The following SPRED1 variants were observed in gnomAD, a reference collection of about 807,000 sequenced individuals.
The protein encoded by SPRED1 is sprouty-related, EVH1 domain-containing protein 1.
In SPRED1, 18 loss-of-function variants were observed where a neutral mutation model predicts 52.3. That is an observed-to-expected ratio of 0.34 (90% CI 0.24 to 0.51). The LOEUF is 0.51. Ranked by LOEUF, SPRED1 falls within the 20% of genes least tolerant of loss-of-function variation. The probability of loss-of-function intolerance (pLI) is 0.97; values close to 1 mark genes in which losing one functional copy is unlikely to be tolerated. For synonymous variants in SPRED1, 155 were observed against 179.7 expected (o/e 0.86, Z 1.10); for missense variants, 485 against 551.0 (o/e 0.88, Z 1.20).
intron 2 of SPRED1, among the ~76,000 whole-genome samples, chr15:38,304,996 A>G (rs1196553730): frequency 6.6e-6 from 1 of 152,148 alleles, no homozygotes; most frequent in African/African-American, 2.4e-5. Flanking sequence ...AGTTGACAAT[A>G]AAGGAACTTC....
chr15:38,329,951 C>T (rs1371479806), intron 4 of SPRED1, among the ~76,000 whole-genome samples: 3 of 152,082 alleles, frequency 2.0e-5, no homozygotes, highest in Non-Finnish European at 2.9e-5. Flanking sequence ...TAATCATTCA[C>T]GTCATTGAAT....
intron 2 of SPRED1, among the ~76,000 whole-genome samples, chr15:38,312,929 A>G (rs889103640): frequency 6.6e-6 from 1 of 151,668 alleles, no homozygotes; most frequent in Admixed American, 6.6e-5. Context: ...TGGCAAGGAT[A>G]CTCTCAAGCC....
At chr15:38,265,048 TG>T (rs1464745207) in intron 1 of SPRED1, among the ~76,000 whole-genome samples, 1 of 152,254 alleles carries the variant, frequency 6.6e-6, no homozygotes, top group African/African-American at 2.4e-5. Context: ...TTGTAGCCTT[TG>T]GGTTCTCCAT....
intron 2 of SPRED1, among the ~76,000 whole-genome samples, chr15:38,304,900 A>G (rs1343117100): frequency 2.6e-5 from 4 of 151,758 alleles, no homozygotes; most frequent in Admixed American, 1.3e-4. Flanking sequence ...TTTTTAATTT[A>G]ATCTAAATCT....
rs571241902 is a variant in SPRED1, at chr15:38,339,304, T to C, written c.424-433T>C. 4.1e-4 allele frequency among the ~76,000 whole-genome samples: 63 copies of C among 152,306 alleles called. 1 individual carries two copies. The South Asian group carries it at 0.012, about 30-fold the overall frequency. On this transcript the variant is annotated intron_variant, in intron 4 of 6. Transcript: ENST00000299084. ...ACAATAGTAGACTAATGTTGTCTTC[T>C]GTCTTTTGACTCACTGTATCAACAG...
At chr15:38,342,807 A>T (rs945031987) in intron 5 of SPRED1, among the ~76,000 whole-genome samples, 9 of 152,112 alleles carry the variant, frequency 5.9e-5, no homozygotes, top group African/African-American at 2.2e-4. Flanking sequence ...CTGTGACTTG[A>T]TGTCTTTGAA....
At chr15:38,334,848 C>T (rs1895877821) in intron 4 of SPRED1, among the ~76,000 whole-genome samples, 1 of 150,670 alleles carries the variant, frequency 6.6e-6, no homozygotes, top group Non-Finnish European at 1.5e-5. Context: ...TCTGTATATA[C>T]AGTCAATCTC....
chr15:38,328,743 A>AG lies in SPRED1; in HGVS notation c.423+3937dup, dbSNP rs571985969. Reference sequence around the variant, plus strand: ...TGGTTTTTTTGTTTGTTTTTGAGACAGGGTCTTACTCTGTTGCCCAGGCTG... The same window carrying AG: ...TGGTTTTTTTGTTTGTTTTTGAGACAGGGGTCTTACTCTGTTGCCCAGGCTG... On this transcript the variant is annotated intron_variant, in intron 4 of 6. Coordinates refer to ENST00000299084, the MANE Select transcript of SPRED1 (RefSeq NM_152594.3). Among the ~76,000 whole-genome samples the AG allele has an allele frequency of 3.1e-3, 475 of 152,262 alleles. 2 individuals carry two copies. Among genetic ancestry groups the AG allele is most frequent in the Non-Finnish European group, 4.9e-3 (333 of 68,010 alleles).
chr15:38,264,537 T>C (rs1894265859), intron 1 of SPRED1, among the ~76,000 whole-genome samples: 1 of 149,628 alleles, frequency 6.7e-6, no homozygotes, highest in Non-Finnish European at 1.5e-5. Flanking sequence ...ATGAAGGTTA[T>C]TGGAGAAGCC....
At chr15:38,256,811 A>C (rs548708514) in intron 1 of SPRED1, among the ~76,000 whole-genome samples, 3 of 140,406 alleles carry the variant, frequency 2.1e-5, no homozygotes, top group Middle Eastern at 7.8e-3. Context: ...ATATGTATGT[A>C]CACACACACA....
At chr15:38,324,029 C>T (rs930118850) in intron 3 of SPRED1, among the ~76,000 whole-genome samples, 13 of 152,122 alleles carry the variant, frequency 8.5e-5, no homozygotes, top group Non-Finnish European at 1.5e-4. Context: ...TTATCAGCTG[C>T]TATATAGACT....
intron 1 of SPRED1, among the ~76,000 whole-genome samples, chr15:38,287,324 A>G (rs1379515563): frequency 6.6e-6 from 1 of 152,136 alleles, no homozygotes; most frequent in Non-Finnish European, 1.5e-5. Context: ...TGCCACCTTC[A>G]TCTATTGCTG....
intron 1 of SPRED1, among the ~76,000 whole-genome samples, chr15:38,267,057 A>G (rs1196631612): frequency 1.3e-5 from 2 of 152,206 alleles, no homozygotes; most frequent in East Asian, 3.8e-4. Flanking sequence ...CCTTTAGGAA[A>G]ACAATGAGCA....
chr15:38,295,387 T>A (rs1895014207), intron 1 of SPRED1, among the ~76,000 whole-genome samples: 1 of 152,202 alleles, frequency 6.6e-6, no homozygotes, highest in Admixed American at 6.5e-5. Flanking sequence ...GTACAGCATG[T>A]TGTTGTACTG....
At chr15:38,299,671 T>C (rs1306534212) in intron 2 of SPRED1, 124 bp downstream of exon 2, 8 of 1,044,654 alleles carry the variant, frequency 7.7e-6, no homozygotes, top group Non-Finnish European at 1.1e-5. Flanking sequence ...TGGAGCTGTT[T>C]CTGTGTTAAA....
At position 38,343,659 on chromosome 15, in the gene SPRED1, G is replaced by A. The variant is rs151005233; in HGVS notation, c.582+3764G>A. Reference sequence around the variant, plus strand: ...TTCTTCCAGCAACTCTCATACCATAGCAAATACAGTTTGAATTACTCAAGG... The same window carrying A: ...TTCTTCCAGCAACTCTCATACCATAACAAATACAGTTTGAATTACTCAAGG... On this transcript the variant is annotated intron_variant, in intron 5 of 6. Transcript: ENST00000299084. 2.4e-3 allele frequency among the ~76,000 whole-genome samples: 358 copies of A among 152,172 alleles called. 1 individual carries two copies. The highest frequency in any genetic ancestry group is 4.1e-3 in the Non-Finnish European group (277 of 67,940).
rs115074946 is a variant in SPRED1 at position 38,346,516 on chromosome 15, C to G, written c.583-2906C>G. Among the ~76,000 whole-genome samples the G allele has an allele frequency of 8.6e-3, 1,315 of 152,194 alleles. 19 individuals carry two copies. Among genetic ancestry groups the G allele is most frequent in the African/African-American group, 0.03 (1,245 of 41,542 alleles). ...TATTCACTGAATACTTGAGAAACCA[C>G]GAAACAACTTAAAAAAGGAACACCC... On this transcript the variant is annotated intron_variant, in intron 5 of 6. Transcript: ENST00000299084.
intron 1 of SPRED1, among the ~76,000 whole-genome samples, chr15:38,281,457 A>G: frequency 6.6e-6 from 1 of 151,838 alleles, no homozygotes; most frequent in Admixed American, 6.6e-5. Context: ...CAGTGGTGTG[A>G]TCATAGCTCA....
At position 38,252,913 on chromosome 15, in the gene SPRED1, G is replaced by T. The variant is rs886786043; in HGVS notation, c.-273G>T. 13 of 562,562 alleles carry T rather than the reference G, an allele frequency of 2.3e-5. No homozygotes were observed. The highest frequency in any genetic ancestry group is 4.1e-5 in the Non-Finnish European group (13 of 314,258). 34.8% of individuals were successfully genotyped at this position (562,562 alleles called of 1,614,324 possible). A position where few individuals can be genotyped will look rare whatever the true frequency, so the allele number is the denominator to read the frequency against. On this transcript the variant is annotated 5_prime_UTR_variant, in exon 1 of 7. Coordinates refer to ENST00000299084, the MANE Select transcript of SPRED1 (RefSeq NM_152594.3). ...GCCCCTCTCTTTTTCCCTTTCCACCGGGCCTCCTCGGATCCCTTGGCTGGG... is the reference window on the plus strand; with the variant it reads ...GCCCCTCTCTTTTTCCCTTTCCACCTGGCCTCCTCGGATCCCTTGGCTGGG...
Sources: gnomAD v4.1 joint callset for allele counts (sites outside exome capture counted in the v4.1 genomes callset) on GRCh38, gnomAD v4.1.1 for gene constraint, MANE v1.5 for transcripts, NCBI Gene and HGNC (gene_info 2026-07-23, HGNC 2026-07-21) for gene names.